Variants in CADPS2 observed in about 807,000 individuals in gnomAD.
CADPS2 encodes calcium-dependent secretion activator 2.
CADPS2 carries 93 observed loss-of-function variants against 172.5 expected under a neutral mutation model. The observed-to-expected ratio is 0.54, with a 90% CI of 0.46 to 0.64. CADPS2 has a LOEUF of 0.64. Among genes scored for constraint, CADPS2 ranks in the 30% least tolerant of loss-of-function variants. CADPS2 has a pLI of 0.00. For missense variants in CADPS2, 1,420 were observed against 1,565.9 expected (o/e 0.91, Z 1.57); for synonymous variants, 546 against 555.2 (o/e 0.98, Z 0.23).
At chr7:122,372,428 T>G (rs1255682207) in intron 25 of CADPS2, among the ~76,000 whole-genome samples, 1 of 152,070 alleles carries the variant, frequency 6.6e-6, no homozygotes, top group African/African-American at 2.4e-5. Context: ...GCACATAAAA[T>G]GTGTATATAG....
chr7:122,651,183 G>A (rs1039740083), intron 3 of CADPS2, among the ~76,000 whole-genome samples: 2 of 151,064 alleles, frequency 1.3e-5, no homozygotes, highest in African/African-American at 2.4e-5. Flanking sequence ...TCAGTAGAAT[G>A]TGCTATTATT....
At chr7:122,776,411 T>C (rs1477314785) in intron 1 of CADPS2, among the ~76,000 whole-genome samples, 1 of 151,788 alleles carries the variant, frequency 6.6e-6, no homozygotes, top group Non-Finnish European at 1.5e-5. Context: ...ACTACAACAG[T>C]ATAGGTGATT....
At chr7:122,788,181 T>C (rs1278447407) in intron 1 of CADPS2, among the ~76,000 whole-genome samples, 1 of 152,184 alleles carries the variant, frequency 6.6e-6, no homozygotes, top group Non-Finnish European at 1.5e-5. Context: ...TACTATAAAG[T>C]GTCTTAACAA....
chr7:122,414,201 G>A (rs1386684126), intron 18 of CADPS2, 125 bp from the exon 19 acceptor site: 1 of 551,446 alleles, frequency 1.8e-6, no homozygotes, highest in Non-Finnish European at 3.0e-6. Context: ...TGATATTTAT[G>A]AATAATGATT....
chr7:122,474,316 C>A, intron 13 of CADPS2, 65 bp downstream of exon 13: 1 of 1,476,434 alleles, frequency 6.8e-7, no homozygotes, highest in Non-Finnish European at 9.2e-7. Context: ...TCTTTTATTC[C>A]AACTTATAGG....
Position 122,658,884 on chromosome 7 carries a change from A to T in CADPS2, c.786+4353T>A, listed in dbSNP as rs1031007312. Reference sequence around the variant, plus strand: ...TGTACCCTAGAACTTAAAGTATAATAAAAAAATTAAAAATAAGGAGATTTA... The same window carrying T: ...TGTACCCTAGAACTTAAAGTATAATTAAAAAATTAAAAATAAGGAGATTTA... On this transcript the variant is annotated intron_variant, in intron 3 of 29. Coordinates refer to ENST00000449022, the MANE Select transcript of CADPS2 (RefSeq NM_017954.11). Among the ~76,000 whole-genome samples the T allele has an allele frequency of 3.9e-5, 6 of 152,204 alleles. 1 individual carries two copies. The highest frequency in any genetic ancestry group is 6.8e-3 in the Middle Eastern group (2 of 294).
At position 122,319,459 on chromosome 7, in the gene CADPS2, C is replaced by G. The variant is rs1445216364; in HGVS notation, c.*706G>C. The G allele has an allele frequency of 1.3e-5, 2 of 152,112 alleles. No homozygotes were observed. Among genetic ancestry groups the G allele is most frequent in the African/African-American group, 4.8e-5 (2 of 41,406 alleles). 9.4% of individuals were successfully genotyped at this position (152,112 alleles called of 1,614,324 possible). The stretch of plus-strand genomic sequence containing the variant: ...ATACTGGAGCAGGAGAATATGGTAT[C>G]TTGACGGAAGCACACTTGCTACCCC... On this transcript the variant is annotated 3_prime_UTR_variant, in exon 30 of 30. Coordinates refer to ENST00000449022, the MANE Select transcript of CADPS2 (RefSeq NM_017954.11).
At chr7:122,702,691 C>A (rs1004993499) in intron 2 of CADPS2, 1 of 1,612,706 alleles carries the variant, frequency 6.2e-7, no homozygotes, top group Non-Finnish European at 8.5e-7. Context: ...AGATACTAAG[C>A]CTCAAAAGTC....
At chr7:122,720,584 A>G (rs562310738) in intron 2 of CADPS2, among the ~76,000 whole-genome samples, 54 of 150,280 alleles carry the variant, frequency 3.6e-4, no homozygotes, top group Non-Finnish European at 6.2e-4. Flanking sequence ...ATACACATGT[A>G]TATGTATATA....
chr7:122,702,051 T>C lies in CADPS2; in HGVS notation c.453+34904A>G, dbSNP rs1357503437. On this transcript the variant is annotated intron_variant, in intron 2 of 29. Transcript: ENST00000449022. ...CGCAGTTGAAGCTGGTCAATAGCTTTCTTCACATCTGTCTTTATTTGACTT... is the reference window on the plus strand; with the variant it reads ...CGCAGTTGAAGCTGGTCAATAGCTTCCTTCACATCTGTCTTTATTTGACTT... The C allele has an allele frequency of 2.2e-5, 35 of 1,613,630 alleles. No homozygotes were observed. The highest frequency in any genetic ancestry group is 2.7e-5 in the African/African-American group (2 of 75,034).
rs2031930748 is a variant in CADPS2 at position 122,319,469 on chromosome 7, G to GTACCC, written c.*695_*696insGGGTA. On this transcript the variant is annotated 3_prime_UTR_variant, in exon 30 of 30. Transcript: ENST00000449022. ...AGGAGAATATGGTATCTTGACGGAA[G>GTACCC]CACACTTGCTACCCCACACCTGGGG... The GTACCC allele has an allele frequency of 6.6e-6, 1 of 152,166 alleles. No homozygotes were observed. Among genetic ancestry groups the GTACCC allele is most frequent in the African/African-American group, 2.4e-5 (1 of 41,448 alleles). 9.4% of individuals were successfully genotyped at this position (152,166 alleles called of 1,614,324 possible). A position where few individuals can be genotyped will look rare whatever the true frequency, so the allele number is the denominator to read the frequency against.
At chr7:122,352,863 C>G (rs984757575) in intron 27 of CADPS2, among the ~76,000 whole-genome samples, 12 of 152,158 alleles carry the variant, frequency 7.9e-5, no homozygotes, top group African/African-American at 2.9e-4. Flanking sequence ...AAATAAAAAG[C>G]TAATATTGTT....
At chr7:122,524,070 A>C (rs745464960) in intron 8 of CADPS2, among the ~76,000 whole-genome samples, 2 of 152,206 alleles carry the variant, frequency 1.3e-5, no homozygotes, top group Non-Finnish European at 2.9e-5. Flanking sequence ...TTACTTATGC[A>C]ATCCTAGACA....
At chr7:122,358,766 T>A (rs999877913) in intron 27 of CADPS2, among the ~76,000 whole-genome samples, 6 of 152,086 alleles carry the variant, frequency 3.9e-5, no homozygotes, top group Non-Finnish European at 8.8e-5. Context: ...TTCACAGGCA[T>A]CAACAATAGA....
At chr7:122,852,708 G>A (rs935112112) in intron 1 of CADPS2, among the ~76,000 whole-genome samples, 4 of 152,158 alleles carry the variant, frequency 2.6e-5, no homozygotes, top group Non-Finnish European at 5.9e-5. Context: ...GAGAGCAAGG[G>A]GGAGAGGTGG....
intron 8 of CADPS2, among the ~76,000 whole-genome samples, chr7:122,539,413 G>A (rs1317284026): frequency 6.6e-6 from 1 of 152,028 alleles, no homozygotes; most frequent in Non-Finnish European, 1.5e-5. Flanking sequence ...CATTATAAAC[G>A]ACCCAGTCTG....
At chr7:122,364,413 TAAAAAAAAAAAAA>T (rs916412439) in intron 25 of CADPS2, among the ~76,000 whole-genome samples, 1 of 77,906 alleles carries the variant, frequency 1.3e-5, no homozygotes, top group Non-Finnish European at 2.4e-5. Flanking sequence ...TGTCTCAAGT[TAAAAAAAAAAAAA>T]AAAAAAAAAA....
chr7:122,585,057 G>A (rs1232116576), intron 6 of CADPS2, among the ~76,000 whole-genome samples: 3 of 151,896 alleles, frequency 2.0e-5, no homozygotes, highest in African/African-American at 4.8e-5. Context: ...AACACCTCCT[G>A]TGAAATGAAG....
At chr7:122,399,756 G>A (rs898287884) in intron 20 of CADPS2, among the ~76,000 whole-genome samples, 6 of 127,340 alleles carry the variant, frequency 4.7e-5, no homozygotes, top group Non-Finnish European at 6.3e-5. Flanking sequence ...GCGCGATCTC[G>A]GCTCACTGCA....
Sources: gnomAD v4.1 joint callset for allele counts (sites outside exome capture counted in the v4.1 genomes callset) on GRCh38, gnomAD v4.1.1 for gene constraint, MANE v1.5 for transcripts, NCBI Gene and HGNC (gene_info 2026-07-23, HGNC 2026-07-21) for gene names.